RAMACL: variants seen among roughly 807,000 people sequenced by gnomAD.
RAMACL encodes RNA guanine-N7 methyltransferase-activating subunit-like protein.
Under a neutral mutation model 13.4 loss-of-function variants are expected in RAMACL, and 9 were observed. The ratio of observed to expected loss-of-function variants is 0.67; its 90% CI spans 0.41 to 1.17. RAMACL has a LOEUF of 1.17. Among genes scored for constraint, RAMACL ranks in the 50% most tolerant of loss-of-function variants. RAMACL has a pLI of 0.01. For missense variants in RAMACL, 124 were observed against 141.6 expected, an observed-to-expected ratio of 0.88 and a Z score of 0.63; for synonymous variants, 39 against 49.3, an observed-to-expected ratio of 0.79 and a Z score of 0.88.
chr6:166,586,592 A>G (rs1785183547), exon 1 of RAMACL: 8 of 964,814 alleles, frequency 8.3e-6, no homozygotes, highest in Non-Finnish European at 1.2e-5. Context: ...AGACACTGAG[A>G]AGCCCAGGAG....
At chr6:166,585,446 G>C (rs1219157699), downstream of RAMACL, among the ~76,000 whole-genome samples, 4 of 150,780 alleles carry the variant, frequency 2.7e-5, no homozygotes, top group East Asian at 7.7e-4. Context: ...CAATTGTCCA[G>C]GCTGATCTTT....
chr6:166,583,015 G>A (rs1432645773), downstream of RAMACL, among the ~76,000 whole-genome samples: 4 of 152,232 alleles, frequency 2.6e-5, no homozygotes, highest in East Asian at 1.9e-4. Context: ...TGACTTGGTC[G>A]TTGACTGCTT....
exon 1 of RAMACL, chr6:166,586,231 G>C (rs961301044): frequency 1.3e-6 from 2 of 1,593,556 alleles, no homozygotes; most frequent in Non-Finnish European, 8.5e-7. Context: ...GATCGTCCAT[G>C]CCACTGATTG....
chr6:166,585,542 T>G (rs1785145007), downstream of RAMACL, among the ~76,000 whole-genome samples: 1 of 105,814 alleles, frequency 9.5e-6, no homozygotes, highest in Admixed American at 9.1e-5. Context: ...GCTTTATTAC[T>G]GATTTCCCTC....
chr6:166,584,301 G>A (rs1252948159), downstream of RAMACL, among the ~76,000 whole-genome samples: 1 of 152,152 alleles, frequency 6.6e-6, no homozygotes, highest in African/African-American at 2.4e-5. Context: ...TACTCCCATC[G>A]AATCAGGGCC....
At chr6:166,583,631 C>A (rs142533914), downstream of RAMACL, among the ~76,000 whole-genome samples, 1 of 152,148 alleles carries the variant, frequency 6.6e-6, no homozygotes, top group Non-Finnish European at 1.5e-5. Flanking sequence ...CATTAAAAAC[C>A]GAAGCTAAGC....
downstream of RAMACL, among the ~76,000 whole-genome samples, chr6:166,583,271 C>A (rs1256737829): frequency 1.3e-5 from 2 of 152,220 alleles, no homozygotes; most frequent in Admixed American, 1.3e-4. Context: ...GTCCAGCTCA[C>A]CCTAGGGTCT....
chr6:166,585,630 CA>C (rs757455295), exon 1 of RAMACL, among the ~76,000 whole-genome samples: 2,823 of 31,992 alleles, frequency 0.088, 65 homozygotes, highest in Non-Finnish European at 0.11. Flanking sequence ...TTAACAAATG[CA>C]AAAAAAAAAA....
exon 1 of RAMACL, chr6:166,586,438 T>G: frequency 2.5e-6 from 4 of 1,599,826 alleles, no homozygotes; most frequent in Non-Finnish European, 3.4e-6. Flanking sequence ...CTAGCAAACA[T>G]CTCTTCAAAA....
chr6:166,586,406 C>T lies in RAMACL; in HGVS notation c.72G>A (p.Lys24=), dbSNP rs574598330. The change falls in exon 1 of 1, where the codon AAG becomes AAA. Residue 24 remains lysine (K), a synonymous_variant. Coordinates refer to ENST00000444122, the Ensembl canonical transcript of RAMACL. ...GGCGTTTCAGGTATTCCTGATACTCCTTGTCATTTTCTGTGAATCTACTAG... is the reference window on the plus strand; with the variant it reads ...GGCGTTTCAGGTATTCCTGATACTCTTTGTCATTTTCTGTGAATCTACTAG... 1.3e-6 allele frequency: 2 copies of T among 1,599,996 alleles called. 1 individual carries two copies. Among genetic ancestry groups the T allele is most frequent in the African/African-American group, 3.2e-5 (2 of 61,562 alleles).
At chr6:166,586,593 A>G in exon 1 of RAMACL, 1 of 947,794 alleles carries the variant, frequency 1.1e-6, no homozygotes, top group Admixed American at 2.6e-5. Context: ...GACACTGAGA[A>G]GCCCAGGAGA....
downstream of RAMACL, among the ~76,000 whole-genome samples, chr6:166,584,380 G>A (rs1369742855): frequency 6.6e-6 from 1 of 152,222 alleles, no homozygotes; most frequent in Non-Finnish European, 1.5e-5. Flanking sequence ...GAATCACACT[G>A]GGGGTTGGAG....
rs571040737 is a variant in RAMACL at position 166,586,096 on chromosome 6, T to C, written c.*25A>G. The C allele has an allele frequency of 2.9e-3, 3,696 of 1,279,446 alleles. 23 individuals are homozygous for C. The highest frequency in any genetic ancestry group is 2.4e-3 in the Non-Finnish European group (2,356 of 963,752). 79.3% of individuals were successfully genotyped at this position (1,279,446 alleles called of 1,614,324 possible). ...TCTCATGGTAACAGAGTAAATGCTT[T>C]TACTAAAAGCTGCCAACATTTCTAT... On this transcript the variant is annotated 3_prime_UTR_variant, in exon 1 of 1. Transcript: ENST00000444122.
At chr6:166,583,921 T>C (rs1785094996), downstream of RAMACL, among the ~76,000 whole-genome samples, 1 of 152,208 alleles carries the variant, frequency 6.6e-6, no homozygotes, top group South Asian at 2.1e-4. Flanking sequence ...CTCAAGTAAT[T>C]TCATCACCTT....
In RAMACL at chr6:166,586,009, T is replaced by G. The variant is rs541419885; in HGVS notation, c.*112A>C. On this transcript the variant is annotated 3_prime_UTR_variant, in exon 1 of 1. Coordinates refer to ENST00000444122, the Ensembl canonical transcript of RAMACL. ...TTTTAAAGTCTCAACTTCCAAAAAA[T>G]CAATAATCCATTCTGTAAAATCAGA... 2.8e-4 allele frequency: 155 copies of G among 552,356 alleles called. 13 individuals carry two copies. In the African/African-American group the frequency reaches 8.5e-3, roughly 30 times the overall value. The allele number at this position is 552,356 out of a possible 1,614,324, so 34.2% of individuals were successfully genotyped here.
downstream of RAMACL, among the ~76,000 whole-genome samples, chr6:166,583,147 G>T (rs1785070957): frequency 1.3e-5 from 2 of 152,158 alleles, no homozygotes; most frequent in South Asian, 4.1e-4. Flanking sequence ...TACTTTTCAA[G>T]GTATCATATT....
chr6:166,584,019 C>T (rs866405862), downstream of RAMACL, among the ~76,000 whole-genome samples: 10 of 152,200 alleles, frequency 6.6e-5, no homozygotes, highest in Admixed American at 3.9e-4. Context: ...AGGTGTGCAA[C>T]GAAACAAGGT....
At chr6:166,583,873 T>C (rs1206358319), downstream of RAMACL, among the ~76,000 whole-genome samples, 2 of 152,192 alleles carry the variant, frequency 1.3e-5, no homozygotes, top group African/African-American at 4.8e-5. Context: ...AATGGTAACA[T>C]AGGTTAGAGC....
downstream of RAMACL, among the ~76,000 whole-genome samples, chr6:166,585,183 G>A (rs553739633): frequency 6.6e-5 from 10 of 152,202 alleles, no homozygotes; most frequent in Non-Finnish European, 1.3e-4. Context: ...CATGAAAAAA[G>A]ATGCAGCTCT....
Sources: gnomAD v4.1 joint callset for allele counts (sites outside exome capture counted in the v4.1 genomes callset) on GRCh38, gnomAD v4.1.1 for gene constraint, MANE v1.5 for transcripts, NCBI Gene and HGNC (gene_info 2026-07-23, HGNC 2026-07-21) for gene names.